TNXB: variants seen among roughly 807,000 people sequenced by gnomAD.
The protein encoded by TNXB is tenascin XB.
A neutral mutation model predicts 340.5 loss-of-function variants in TNXB; 183 were observed. The ratio of observed to expected loss-of-function variants is 0.54; its 90% confidence interval spans 0.48 to 0.61. The LOEUF is 0.61. Among genes scored for constraint, TNXB ranks in the 20% least tolerant of loss-of-function variants. The pLI is 0.00. For missense variants in TNXB, 4,613 were observed against 5,446.4 expected (o/e 0.85, Z 4.82); for synonymous variants, 2,121 against 2,314.5 (o/e 0.92, Z 2.40).
chr6:32,078,894 C>T lies in TNXB; in HGVS notation c.4375+139G>A, dbSNP rs1779266183. 7.7e-6 allele frequency: 7 copies of T among 908,908 alleles called. No individual in the cohort carries two copies. The South Asian group carries it at 1.3e-4, about 17-fold the overall frequency. The allele number at this position is 908,908 out of a possible 1,614,324, so 56.3% of individuals were successfully genotyped here. On this transcript the variant is annotated intron_variant, in intron 11 of 43. Transcript: ENST00000644971. The stretch of plus-strand genomic sequence containing the variant: ...CATGAAAGCTGGTGGTACGCCAGTC[C>T]CCAGTGACATGCTCTTTCTAGGTCT...
Position 32,072,390 on chromosome 6 carries a change from G to T in TNXB, c.4682-92C>A. The T allele has an allele frequency of 9.2e-7, 1 of 1,081,706 alleles. No homozygotes were observed. The highest frequency in any genetic ancestry group is 1.9e-5 in the South Asian group (1 of 51,932). 67.0% of individuals were successfully genotyped at this position (1,081,706 alleles called of 1,614,324 possible). On this transcript the variant is annotated intron_variant, in intron 12 of 43. Coordinates refer to ENST00000644971, the MANE Select transcript of TNXB (RefSeq NM_001365276.2). This position sits in a 1 kb window ranked among gnomAD's most constrained non-coding sequence, Gnocchi z 4.4. ...CCTCAGGGGGGCTGTGAACTGAGAT[G>T]GGGAATAGTTACACCTTTACTTCCA...
intron 1 of TNXB, among the ~76,000 whole-genome samples, chr6:32,105,614 AG>A (rs1432151959): frequency 6.6e-6 from 1 of 152,224 alleles, no homozygotes; most frequent in Non-Finnish European, 1.5e-5. Context: ...AACCAAGGGC[AG>A]GACCAAGGTC....
intron 1 of TNXB, among the ~76,000 whole-genome samples, chr6:32,105,796 T>G (rs1162416724): frequency 6.6e-6 from 1 of 152,176 alleles, no homozygotes; most frequent in South Asian, 2.1e-4. Flanking sequence ...GGTGAACACA[T>G]GCAAACCCTA....
rs756774330 is a variant in TNXB, at chr6:32,070,300, T to G, written c.5105A>C (p.Asp1702Ala). Residue 1702 changes from aspartate to alanine, a missense_variant, in exon 14 of 44, where the codon GAC becomes GCC. Transcript: ENST00000644971. This position sits in a 1 kb window ranked among gnomAD's most constrained non-coding sequence, Gnocchi z 6.0. ...LSWTVPEGQF[D>A]SFVVQFKDKD... ...GTCCTTGAACTGGACCACAAAAGAG[T>G]CGAACTGGCCCTCAGGAACCGTCCA... is the stretch of plus-strand genomic sequence containing the variant. The G allele has an allele frequency of 2.5e-6, 4 of 1,611,546 alleles. No homozygotes were observed. The East Asian group carries it at 8.9e-5, about 36-fold the overall frequency.
rs368428233 is a variant in TNXB at position 32,046,401 on chromosome 6, C to A, written c.10380G>T (p.Glu3460Asp). Residue 3460 changes from glutamate to aspartate, a missense_variant, in exon 31 of 44, where the codon GAG becomes GAT. By Grantham distance (45) the Glu-to-Asp change is conservative. Coordinates refer to ENST00000644971, the MANE Select transcript of TNXB (RefSeq NM_001365276.2). This position sits in a 1 kb window ranked among gnomAD's most constrained non-coding sequence, Gnocchi z 6.9. The stretch of plus-strand genomic sequence containing the variant: ...AGGACAGGCGCAGAGAGCTGGAGGT[C>A]TCCTCAGCCACGGTCAGTTCCCCCA... ...PHLGELTVAE[E>D]TSSSLRLSWT... The A allele has an allele frequency of 2.5e-6, 4 of 1,585,112 alleles. No homozygotes were observed. The highest frequency in any genetic ancestry group is 3.4e-6 in the Non-Finnish European group (4 of 1,160,884).
Position 32,058,028 on chromosome 6 carries a change from T to TTCCC in TNXB, c.7825+29_7825+30insGGGA. ...AAGGGCACATTTTCTAGGGCTGTCT[T>TTCCC]CCAACCCTGCCCCACCCACACTCAC... On this transcript the variant is annotated intron_variant, in intron 22 of 43. Transcript: ENST00000644971. This position sits in a 1 kb window ranked among gnomAD's most constrained non-coding sequence, Gnocchi z 5.1. The TTCCC allele has an allele frequency of 5.1e-6, 8 of 1,577,058 alleles. No homozygotes were observed. The highest frequency in any genetic ancestry group is 6.9e-6 in the Non-Finnish European group (8 of 1,162,878).
At chr6:32,053,740 G>A (rs1480802827) in intron 24 of TNXB, 29 bp from the exon 25 acceptor site, 1 of 1,599,776 alleles carries the variant, frequency 6.3e-7, no homozygotes, top group South Asian at 1.1e-5. Flanking sequence ...GGAGAGTGAG[G>A]TCCCTGGGTT....
rs1045156522 is a variant in TNXB at position 32,051,099 on chromosome 6, G to A, written c.9116-778C>T. On this transcript the variant is annotated intron_variant, in intron 26 of 43. Coordinates refer to ENST00000644971, the MANE Select transcript of TNXB (RefSeq NM_001365276.2). The surrounding 1 kb of genome is among the most constrained non-coding windows in gnomAD (Gnocchi z 4.7). ...CACACCATGCTCTTTCTAGCCTCCT[G>A]GCCTTTGCACCACCTGTGCTGATCT... Among the ~76,000 whole-genome samples the A allele has an allele frequency of 6.6e-6, 1 of 152,218 alleles. No homozygotes were observed. The highest frequency in any genetic ancestry group is 1.5e-5 in the Non-Finnish European group (1 of 68,048).
chr6:32,073,900 G>C lies in TNXB; in HGVS notation c.4428C>G (p.Arg1476=). The C allele has an allele frequency of 6.2e-7, 1 of 1,608,946 alleles. No individual in the cohort carries two copies. The highest frequency in any genetic ancestry group is 8.5e-7 in the Non-Finnish European group (1 of 1,178,188). Residue 1476 remains arginine (R), a synonymous_variant, in exon 12 of 44, where the codon CGC becomes CGG. Coordinates refer to ENST00000644971, the MANE Select transcript of TNXB (RefSeq NM_001365276.2). This position sits in a 1 kb window ranked among gnomAD's most constrained non-coding sequence, Gnocchi z 4.6. ...PPATESPLEP[R]LGELTVTDVT... is the part of the protein sequence containing the mutation. ...CATCTGTCACTGTCAGCTCTCCTAG[G>C]CGTGGCTCCAGCGGGGACTCAGTGG...
chr6:32,068,167 C>T lies in TNXB; in HGVS notation c.6221-183G>A, dbSNP rs1391670877. On this transcript the variant is annotated intron_variant, in intron 17 of 43. Transcript: ENST00000644971. The surrounding 1 kb of genome is among the most constrained non-coding windows in gnomAD (Gnocchi z 5.3). ...AGTTCCAGGGTCAGCTGTGGGGGAC[C>T]TGGGACAGCCACCAGCACAGCAAAA... Among the ~76,000 whole-genome samples, 1 of 152,174 alleles carries T rather than the reference C, an allele frequency of 6.6e-6. No individual in the cohort carries two copies. The highest frequency in any genetic ancestry group is 1.5e-5 in the Non-Finnish European group (1 of 68,020).
Position 32,097,857 on chromosome 6 carries a change from C to T in TNXB, c.342G>A (p.Val114=). 6.5e-7 allele frequency: 1 copy of T among 1,541,162 alleles called. No individual in the cohort carries two copies. Among genetic ancestry groups the T allele is most frequent in the South Asian group, 1.2e-5 (1 of 80,914 alleles). ...RVRLEILEEL[V]KGLKEQCTGG... ...CAGTGCACTGTTCCTTGAGCCCCTTCACCAACTCCTCCAGGATCTCTAGAC... is the reference window on the plus strand; with the variant it reads ...CAGTGCACTGTTCCTTGAGCCCCTTTACCAACTCCTCCAGGATCTCTAGAC... Residue 114 remains valine, a synonymous_variant, in exon 2 of 44, where the codon GTG becomes GTA. Transcript: ENST00000644971. This position sits in a 1 kb window ranked among gnomAD's most constrained non-coding sequence, Gnocchi z 5.9.
rs551607309 is a variant in TNXB at position 32,082,802 on chromosome 6, C to A, written c.3446-476G>T. 6.6e-6 allele frequency among the ~76,000 whole-genome samples: 1 copy of A among 152,278 alleles called. No homozygotes were observed. Among genetic ancestry groups the A allele is most frequent in the East Asian group, 1.9e-4 (1 of 5,188 alleles). The stretch of plus-strand genomic sequence containing the variant: ...CCTCCCTCATCTATGCTGCAGGCCT[C>A]TCCTCCTCTTTGGGAACTTTGACCC... On this transcript the variant is annotated intron_variant, in intron 8 of 43. Transcript: ENST00000644971. The surrounding 1 kb of genome is among the most constrained non-coding windows in gnomAD (Gnocchi z 5.0).
rs1370080519 is a variant in TNXB, at chr6:32,096,765, T to A, written c.1088A>T (p.Tyr363Phe). The part of the protein sequence containing the change: ...VDGRCVCWPG[Y>F]TGEDCSTRTC... ...CCGCGTGCTGCAGTCCTCGCCTGTG[T>A]ACCCGGGCCAGCACACGCAGCGGCC... The change falls in exon 3 of 44, where the codon TAC becomes TTC. Residue 363 changes from tyrosine (Y) to phenylalanine (F), a missense_variant. Around this residue, in one of 7 missense-constraint regions of TNXB, gnomAD observed 4,327 missense variants for 4,859.4 expected, o/e 0.89. Transcript: ENST00000644971. 3.4e-5 allele frequency: 53 copies of A among 1,560,952 alleles called. No individual in the cohort carries two copies. The highest frequency in any genetic ancestry group is 4.4e-5 in the Non-Finnish European group (51 of 1,154,508).
At position 32,068,898 on chromosome 6, in the gene TNXB, G is replaced by A; in HGVS notation, c.5826C>T (p.Asp1942=). ...CATACAGGGTCACCAGGTATCTGTG[G>A]TCGGATTCCAGGCCAGAGAGGGTGA... ...NDITLSGLES[D]HRYLVTLYGF... The change falls in exon 16 of 44, where the codon GAC becomes GAT. Residue 1942 remains aspartate, a synonymous_variant. Coordinates refer to ENST00000644971, the MANE Select transcript of TNXB (RefSeq NM_001365276.2). This position sits in a 1 kb window ranked among gnomAD's most constrained non-coding sequence, Gnocchi z 5.3. The A allele has an allele frequency of 6.2e-7, 1 of 1,612,910 alleles. No homozygotes were observed. The highest frequency in any genetic ancestry group is 8.5e-7 in the Non-Finnish European group (1 of 1,179,884).
rs1776876222 is a variant in TNXB at position 32,046,330 on chromosome 6, C to T, written c.10451G>A (p.Arg3484Lys). The stretch of plus-strand genomic sequence containing the variant: ...TGCCCTGGGCTGCCCGTCCGTGTCC[C>T]TGTACTGGACCACGAAGGAGTCAAA... Reference protein sequence around the residue: ...GPFDSFVVQYRDTDGQPRAVP... With the variant: ...GPFDSFVVQYKDTDGQPRAVP... The change falls in exon 31 of 44, where the codon AGG (arginine) becomes AAG (lysine). Residue 3484 changes from arginine (R) to lysine (K), a missense_variant. Coordinates refer to ENST00000644971, the MANE Select transcript of TNXB (RefSeq NM_001365276.2). The surrounding 1 kb of genome is among the most constrained non-coding windows in gnomAD (Gnocchi z 6.9). 6.2e-7 allele frequency: 1 copy of T among 1,606,104 alleles called. No homozygotes were observed. The highest frequency in any genetic ancestry group is 1.1e-5 in the South Asian group (1 of 89,672).
chr6:32,108,796 C>A lies in TNXB; in HGVS notation c.-9+385G>T, dbSNP rs140093863. On this transcript the variant is annotated intron_variant, in intron 1 of 43. Transcript: ENST00000644971. This position sits in a 1 kb window ranked among gnomAD's most constrained non-coding sequence, Gnocchi z 4.8. Reference sequence around the variant, plus strand: ...TCCAAGGTTCAGCTGGCCACCAGTTCAGCCTAGTCCTATCTTCCCGCTAGC... The same window carrying A: ...TCCAAGGTTCAGCTGGCCACCAGTTAAGCCTAGTCCTATCTTCCCGCTAGC... 1.1e-4 allele frequency among the ~76,000 whole-genome samples: 16 copies of A among 152,268 alleles called. No individual in the cohort carries two copies. Among genetic ancestry groups the A allele is most frequent in the South Asian group, 4.1e-4 (2 of 4,832 alleles).
In TNXB at chr6:32,058,113, C is replaced by T. The variant is rs1469491863; in HGVS notation, c.7770G>A (p.Leu2590=). ...GGCGCCGCCCCTCGTGGAGGCCGTA[C>T]AGGTGCATCTTGTACTTGCGCCCAG... is the stretch of plus-strand genomic sequence containing the variant. ...LEPGRKYKMH[L]YGLHEGRRLG... Residue 2590 remains leucine, a synonymous_variant, in exon 22 of 44, where the codon CTG becomes CTA. Transcript: ENST00000644971. This position sits in a 1 kb window ranked among gnomAD's most constrained non-coding sequence, Gnocchi z 5.1. The T allele has an allele frequency of 6.2e-7, 1 of 1,612,792 alleles. No homozygotes were observed. Among genetic ancestry groups the T allele is most frequent in the Non-Finnish European group, 8.5e-7 (1 of 1,179,784 alleles).
rs776254787 is a variant in TNXB at position 32,074,353 on chromosome 6, A to T, written c.4376-401T>A. On this transcript the variant is annotated intron_variant, in intron 11 of 43. Transcript: ENST00000644971. The surrounding 1 kb of genome is among the most constrained non-coding windows in gnomAD (Gnocchi z 5.5). ...CTGTTGCATTTGTGGAACCCGCATG[A>T]TGGTTTTGATGTAAAAGCGCATTGA... Among the ~76,000 whole-genome samples, 23 of 152,138 alleles carry T rather than the reference A, an allele frequency of 1.5e-4. No individual in the cohort carries two copies. Among genetic ancestry groups the T allele is most frequent in the Non-Finnish European group, 2.1e-4 (14 of 68,028 alleles).
chr6:32,068,471 G>C lies in TNXB; in HGVS notation c.6139C>G (p.Pro2047Ala). The change falls in exon 17 of 44, where the codon CCA (proline) becomes GCA (alanine). Residue 2047 changes from proline to alanine, a missense_variant. Transcript: ENST00000644971. The surrounding 1 kb of genome is among the most constrained non-coding windows in gnomAD (Gnocchi z 5.3). The stretch of plus-strand genomic sequence containing the variant: ...AGGTTCATCTTGTATTTATGGTCTG[G>C]CTCCAGGCCCGAGATGGTGACCCCT... ...EEGVTISGLE[P>A]DHKYKMNLYG... 6.2e-7 allele frequency: 1 copy of C among 1,613,876 alleles called. No homozygotes were observed. The highest frequency in any genetic ancestry group is 8.5e-7 in the Non-Finnish European group (1 of 1,179,900).
Sources: allele counts gnomAD v4.1 joint callset (sites outside exome capture counted in the v4.1 genomes callset), GRCh38; gene constraint gnomAD v4.1.1; regional missense constraint gnomAD v4.1.1; non-coding constraint Gnocchi (gnomAD v3.1); transcripts MANE v1.5; gene names NCBI Gene and HGNC (gene_info 2026-07-23, HGNC 2026-07-21).